TMEM18: variants seen among roughly 807,000 people sequenced by gnomAD.
The protein encoded by TMEM18 is transmembrane protein 18.
In TMEM18, 14 loss-of-function variants were observed where a neutral mutation model predicts 17.4. That is an observed-to-expected ratio of 0.80 (90% CI 0.53 to 1.25). TMEM18 has a LOEUF of 1.25. Ranked by LOEUF, TMEM18 falls within the 50% of genes most tolerant of loss-of-function variation. TMEM18 has a pLI of 0.00. For missense variants in TMEM18, 187 were observed against 172.1 expected, an observed-to-expected ratio of 1.09 and a Z score of -0.48; for synonymous variants, 86 against 66.1, an observed-to-expected ratio of 1.30 and a Z score of -1.46.
In TMEM18 at chr2:667,011, G is replaced by GA. The variant is rs942471364; in HGVS notation, c.*2568_*2569insT. Among the ~76,000 whole-genome samples the GA allele has an allele frequency of 1.3e-5, 1 of 77,278 alleles. No homozygotes were observed. The highest frequency in any genetic ancestry group is 2.7e-5 in the Non-Finnish European group (1 of 37,458). 50.7% of individuals were successfully genotyped at this position (77,278 alleles called of 152,430 possible). A position where few individuals can be genotyped will look rare whatever the true frequency, so the allele number is the denominator to read the frequency against. On this transcript the variant is annotated 3_prime_UTR_variant, in exon 5 of 5. Transcript: ENST00000281017. ...CTCCTTACCCTGAATTCCACCCCCA[G>GA]CCCTTTTTTTTTTTTTTTAACATTT...
rs762912274 is a variant in TMEM18 at position 672,867 on chromosome 2, A to G, written c.179-5T>C. 10 of 1,509,800 alleles carry G rather than the reference A, an allele frequency of 6.6e-6. No individual in the cohort carries two copies. The South Asian group carries it at 1.2e-4, about 19-fold the overall frequency. The allele number at this position is 1,509,800 out of a possible 1,614,324, so 93.5% of individuals were successfully genotyped here. A position where few individuals can be genotyped will look rare whatever the true frequency, so the allele number is the denominator to read the frequency against. ...CAGCACAGTAGACTAAGATGACTGA[A>G]AAAAGGTACAAGTCATATTAGAATT... is the stretch of plus-strand genomic sequence containing the variant. On this transcript the variant is annotated splice_region_variant and splice_polypyrimidine_tract_variant and intron_variant, in intron 2 of 4. Transcript: ENST00000281017.
chr2:671,463 C>CAGTGAGCCG (rs1454283605), intron 3 of TMEM18, among the ~76,000 whole-genome samples: 2 of 7,330 alleles, frequency 2.7e-4, no homozygotes, highest in African/African-American at 1.9e-3. Context: ...GCAGGGTCCT[C>CAGTGAGCCG]CTGGGACTGA....
At position 677,289 on chromosome 2, in the gene TMEM18, C is replaced by T. The variant is rs76841119; in HGVS notation, c.57G>A (p.Thr19=). 2 of 1,611,390 alleles carry T rather than the reference C, an allele frequency of 1.2e-6. No homozygotes were observed. Among genetic ancestry groups the T allele is most frequent in the South Asian group, 1.1e-5 (1 of 90,520 alleles). The change falls in exon 1 of 5, where the codon ACG becomes ACA. Residue 19 remains threonine (T), a splice_region_variant and synonymous_variant. Transcript: ENST00000281017. ...GGTGGTTACGCGGGCCGCGAGTTAC[C>T]GTGAGCACGGCTGGGATGCTGACGG... The part of the protein sequence containing the change: ...SFPVSIPAVL[T]QTDWTEPWLM...
rs1678680370 is a variant in TMEM18 at position 666,060 on chromosome 2, C to T, written c.*3520G>A. ...TCACTGAGATGGAGCATCAACCCTA[C>T]ACACAACAGGACCCATGGAGGCAGA... On this transcript the variant is annotated 3_prime_UTR_variant, in exon 5 of 5. Transcript: ENST00000281017. 6.6e-6 allele frequency among the ~76,000 whole-genome samples: 1 copy of T among 152,020 alleles called. No individual in the cohort carries two copies. Among genetic ancestry groups the T allele is most frequent in the African/African-American group, 2.4e-5 (1 of 41,370 alleles).
At chr2:672,233 G>A (rs1011706834) in intron 3 of TMEM18, among the ~76,000 whole-genome samples, 10 of 152,162 alleles carry the variant, frequency 6.6e-5, no homozygotes, top group East Asian at 1.9e-4. Context: ...AAAACAGTCC[G>A]TGGGTCTCAC....
At chr2:669,967 A>T (rs1572409635) in intron 3 of TMEM18, 117 bp from the exon 4 acceptor site, 2 of 754,844 alleles carry the variant, frequency 2.6e-6, no homozygotes, top group Admixed American at 2.6e-5. Context: ...TGGGAGCAAC[A>T]CCCTCACTGG....
intron 2 of TMEM18, among the ~76,000 whole-genome samples, chr2:673,095 G>C (rs115369345): frequency 6.6e-6 from 1 of 152,192 alleles, no homozygotes; most frequent in Non-Finnish European, 1.5e-5. Flanking sequence ...CTCAGAGCCC[G>C]TGCTCAGGTC....
rs181743527 is a variant in TMEM18, at chr2:665,317, A to G, written c.*4263T>C. Among the ~76,000 whole-genome samples, 74 of 152,156 alleles carry G rather than the reference A, an allele frequency of 4.9e-4. No homozygotes were observed. Among genetic ancestry groups the G allele is most frequent in the African/African-American group, 1.7e-3 (69 of 41,480 alleles). On this transcript the variant is annotated 3_prime_UTR_variant, in exon 5 of 5. Transcript: ENST00000281017. The stretch of plus-strand genomic sequence containing the variant: ...GAGAATCAACCCCACATAAAATAGA[A>G]CCCAGAGATGCAGATGCACCACTCA...
rs545406563 is a variant in TMEM18 at position 667,163 on chromosome 2, T to C, written c.*2417A>G. Among the ~76,000 whole-genome samples, 2 of 152,254 alleles carry C rather than the reference T, an allele frequency of 1.3e-5. No homozygotes were observed. Among genetic ancestry groups the C allele is most frequent in the East Asian group, 3.9e-4 (2 of 5,186 alleles). ...CATTATCTGTGCAAGTAGACTTTCT[T>C]CTACTGGCAAGGACACAATTGCATT... On this transcript the variant is annotated 3_prime_UTR_variant, in exon 5 of 5. Transcript: ENST00000281017.
Position 675,506 on chromosome 2 carries a change from TCACCTAGA to T in TMEM18, c.174_178+3del. Reference sequence around the variant, plus strand: ...AGTTGTGGAGTTTGTGTTGTTTTACTCACCTAGACACAGAAAGTGCCCGATCTGTAGTC... The same window carrying T: ...AGTTGTGGAGTTTGTGTTGTTTTACTCACAGAAAGTGCCCGATCTGTAGTC... On this transcript the variant is annotated splice_donor_variant and splice_donor_region_variant and coding_sequence_variant and intron_variant, in exon 2 of 5. Transcript: ENST00000281017. LOFTEE classifies it high-confidence loss of function. The T allele has an allele frequency of 1.2e-6, 2 of 1,614,198 alleles. No individual in the cohort carries two copies. The highest frequency in any genetic ancestry group is 1.7e-6 in the Non-Finnish European group (2 of 1,180,026).
chr2:666,203 A>G lies in TMEM18; in HGVS notation c.*3377T>C, dbSNP rs1678685521. Among the ~76,000 whole-genome samples the G allele has an allele frequency of 6.6e-6, 1 of 152,170 alleles. No homozygotes were observed. Among genetic ancestry groups the G allele is most frequent in the Non-Finnish European group, 1.5e-5 (1 of 68,030 alleles). On this transcript the variant is annotated 3_prime_UTR_variant, in exon 5 of 5. Transcript: ENST00000281017. ...GAAGGGTGTTTTGGCCCAGGACTGG[A>G]GCAGAAGGCAGTAGCCCTGAGGCTT...
At position 677,182 on chromosome 2, in the gene TMEM18, C is replaced by T. The variant is rs1251035222; in HGVS notation, c.57+107G>A. 16 of 1,406,576 alleles carry T rather than the reference C, an allele frequency of 1.1e-5. No homozygotes were observed. In the Middle Eastern group the frequency reaches 7.1e-4, roughly 63 times the overall value. 87.1% of individuals were successfully genotyped at this position (1,406,576 alleles called of 1,614,324 possible). ...GCGCGCGCTCCGCCACAAGGCCCCGCCCACGGCCGGGGCCTTCTTGGCCAC... is the reference window on the plus strand; with the variant it reads ...GCGCGCGCTCCGCCACAAGGCCCCGTCCACGGCCGGGGCCTTCTTGGCCAC... On this transcript the variant is annotated intron_variant, in intron 1 of 4. Coordinates refer to ENST00000281017, the MANE Select transcript of TMEM18 (RefSeq NM_152834.4).
chr2:675,880 T>A, intron 1 of TMEM18: 1 of 1,486,024 alleles, frequency 6.7e-7, no homozygotes. Flanking sequence ...AATTCAAAGT[T>A]CAAGCACACA....
chr2:668,116 T>C lies in TMEM18; in HGVS notation c.*1464A>G, dbSNP rs551072307. 6.6e-6 allele frequency: 1 copy of C among 152,186 alleles called. No homozygotes were observed. The highest frequency in any genetic ancestry group is 1.5e-5 in the Non-Finnish European group (1 of 68,034). 9.4% of individuals were successfully genotyped at this position (152,186 alleles called of 1,614,324 possible). A position where few individuals can be genotyped will look rare whatever the true frequency, so the allele number is the denominator to read the frequency against. ...AGACAGTGACAGCAGGGGAAACTGC[T>C]GTCTTTAAAACCAGCAGATCTTGTG... On this transcript the variant is annotated 3_prime_UTR_variant, in exon 5 of 5. Coordinates refer to ENST00000281017, the MANE Select transcript of TMEM18 (RefSeq NM_152834.4).
chr2:669,959 G>A (rs963568292), intron 3 of TMEM18, 109 bp from the exon 4 acceptor site: 1 of 831,168 alleles, frequency 1.2e-6, no homozygotes, highest in Middle Eastern at 3.3e-4. Context: ...GACTGAGGTG[G>A]GAGCAACACC....
rs777218872 is a variant in TMEM18 at position 665,463 on chromosome 2, TAGAG to T, written c.*4113_*4116del. On this transcript the variant is annotated 3_prime_UTR_variant, in exon 5 of 5. Coordinates refer to ENST00000281017, the MANE Select transcript of TMEM18 (RefSeq NM_152834.4). ...GATGCAGATGCTCCACTCACTCAGA[TAGAG>T]AATCAACTCCACATACAACAGGACC... Among the ~76,000 whole-genome samples the T allele has an allele frequency of 6.2e-5, 9 of 144,236 alleles. No homozygotes were observed. Among genetic ancestry groups the T allele is most frequent in the Non-Finnish European group, 7.5e-5 (5 of 66,530 alleles). The allele number at this position is 144,236 out of a possible 152,430, so 94.6% of individuals were successfully genotyped here.
intron 1 of TMEM18, 94 bp from the exon 2 acceptor site, chr2:675,724 G>A (rs772759621): frequency 6.4e-7 from 1 of 1,553,330 alleles, no homozygotes; most frequent in Admixed American, 1.9e-5. Context: ...GGAGGCAGGG[G>A]CCTCTCACTC....
At chr2:672,225 A>C (rs1275214747) in intron 3 of TMEM18, among the ~76,000 whole-genome samples, 3 of 152,152 alleles carry the variant, frequency 2.0e-5, no homozygotes, top group Non-Finnish European at 4.4e-5. Flanking sequence ...GCCACTCAAA[A>C]ACAGTCCGTG....
intron 1 of TMEM18, chr2:675,982 C>T: frequency 7.6e-7 from 1 of 1,312,742 alleles, no homozygotes; most frequent in Non-Finnish European, 9.9e-7. Context: ...CCATCCTTTA[C>T]GATGATAATT....
Sources: allele counts gnomAD v4.1 joint callset (sites outside exome capture counted in the v4.1 genomes callset), GRCh38; gene constraint gnomAD v4.1.1; transcripts MANE v1.5; gene names NCBI Gene and HGNC (gene_info 2026-07-23, HGNC 2026-07-21).